Variants in ANKRD11 observed in about 807,000 individuals in gnomAD.
The protein encoded by ANKRD11 is ankyrin repeat domain-containing protein 11.
ANKRD11 carries 17 observed loss-of-function variants against 195.7 expected under a neutral mutation model. The observed-to-expected ratio is 0.09, with a 90% confidence interval of 0.06 to 0.13. The LOEUF is 0.13. Ranked by LOEUF, ANKRD11 falls within the 10% of genes least tolerant of loss-of-function variation. ANKRD11 has a pLI of 1.00. For missense variants in ANKRD11, 3,735 were observed against 3,566.1 expected (o/e 1.05, Z -1.21); for synonymous variants, 1,953 against 1,528.1 (o/e 1.28, Z -6.49).
intron 1 of ANKRD11, among the ~76,000 whole-genome samples, chr16:89,469,888 A>C (rs1235881671): frequency 7.1e-6 from 1 of 139,958 alleles, no homozygotes; most frequent in Admixed American, 7.2e-5. Context: ...GTTTCAGAAA[A>C]ACAAAGTCAG....
intron 3 of ANKRD11, among the ~76,000 whole-genome samples, chr16:89,315,436 G>T (rs2036892723): frequency 6.6e-6 from 1 of 152,032 alleles, no homozygotes; most frequent in Admixed American, 6.6e-5. Flanking sequence ...ACTGCTGAAG[G>T]CCGCACATCA....
intron 1 of ANKRD11, among the ~76,000 whole-genome samples, chr16:89,434,608 TCC>T (rs2043136248): frequency 1.3e-5 from 2 of 152,104 alleles, no homozygotes; most frequent in African/African-American, 4.8e-5. Context: ...GGCCCGACAA[TCC>T]ATGCCTATAA....
At chr16:89,416,106 A>C (rs777604463) in intron 2 of ANKRD11, among the ~76,000 whole-genome samples, 42 of 152,258 alleles carry the variant, frequency 2.8e-4, no homozygotes, top group Admixed American at 1.3e-3. Context: ...AAATGGCATT[A>C]AACACCTTAG....
At chr16:89,441,763 C>T (rs1166353334) in intron 1 of ANKRD11, among the ~76,000 whole-genome samples, 10 of 28,854 alleles carry the variant, frequency 3.5e-4, no homozygotes, top group South Asian at 1.4e-3. Flanking sequence ...CGAGACTCCG[C>T]CTACAAAAAA....
chr16:89,282,928 T>A lies in ANKRD11; in HGVS notation c.3614A>T (p.His1205Leu). 6.2e-7 allele frequency: 1 copy of A among 1,613,320 alleles called. No homozygotes were observed. The highest frequency in any genetic ancestry group is 8.5e-7 in the Non-Finnish European group (1 of 1,179,972). ...GGACTCTTTATCCTTCTTCTCCTTG[T>A]GCTTTTCAAAGACTTTCTCTTTTTT... ...RDKKEKVFEK[H>L]KEKKDKESTE... Residue 1205 changes from histidine to leucine, a missense_variant, in exon 9 of 13, where the codon CAC (histidine) becomes CTC (leucine). By Grantham distance (99) the His-to-Leu change is moderately conservative. Transcript: ENST00000301030.
rs1224246389 is a variant in ANKRD11 at position 89,280,360 on chromosome 16, C to T, written c.6182G>A (p.Gly2061Glu). 1 of 1,570,290 alleles carries T rather than the reference C, an allele frequency of 6.4e-7. No homozygotes were observed. The highest frequency in any genetic ancestry group is 1.4e-5 in the African/African-American group (1 of 73,816). ...SEAAPYAPPS[G>E]LESFFSNCKS... ...GCAGTTGCTGAAGAAGGACTCCAGC[C>T]CGGAGGGAGGGGCGTAGGGAGCCGC... The change falls in exon 9 of 13, where the codon GGG becomes GAG. Residue 2061 changes from glycine (G) to glutamate (E), a missense_variant. Transcript: ENST00000301030.
In ANKRD11 at chr16:89,291,304, A is replaced by G; in HGVS notation, c.227-121T>C. On this transcript the variant is annotated intron_variant, in intron 4 of 12. Transcript: ENST00000301030. The surrounding 1 kb of genome is among the most constrained non-coding windows in gnomAD (Gnocchi z 5.3). ...CCACCTGACAGCTGACAGAGCAGAA[A>G]GGAAGGTCTGTGTATGGGGAAAGCA... 2.3e-6 allele frequency: 3 copies of G among 1,286,002 alleles called. No homozygotes were observed. Among genetic ancestry groups the G allele is most frequent in the Admixed American group, 1.9e-5 (1 of 51,356 alleles). The allele number at this position is 1,286,002 out of a possible 1,614,324, so 79.7% of individuals were successfully genotyped here. A position where few individuals can be genotyped will look rare whatever the true frequency, so the allele number is the denominator to read the frequency against.
intron 1 of ANKRD11, among the ~76,000 whole-genome samples, chr16:89,489,831 A>C (rs1380783595): frequency 4.6e-5 from 2 of 43,532 alleles, no homozygotes; most frequent in African/African-American, 1.9e-4. Flanking sequence ...CCGGGCCCCC[A>C]CGGCCCCCAG....
intron 2 of ANKRD11, among the ~76,000 whole-genome samples, chr16:89,410,228 T>C (rs1046578137): frequency 6.6e-6 from 1 of 152,140 alleles, no homozygotes; most frequent in African/African-American, 2.4e-5. Flanking sequence ...ACCCGGTGGG[T>C]ACGGCCCTTT....
intron 2 of ANKRD11, among the ~76,000 whole-genome samples, chr16:89,363,982 C>T (rs2039841886): frequency 6.6e-6 from 1 of 152,122 alleles, no homozygotes; most frequent in South Asian, 2.1e-4. Context: ...ACAGCTTGAG[C>T]CCGGGAGTTG....
intron 2 of ANKRD11, among the ~76,000 whole-genome samples, chr16:89,362,603 T>C (rs59133625): frequency 1.1e-3 from 169 of 152,166 alleles, no homozygotes; most frequent in African/African-American, 3.9e-3. Flanking sequence ...TAAAAATAAA[T>C]AGTAACTTCT....
intron 2 of ANKRD11, chr16:89,360,748 T>C (rs943587130): frequency 6.6e-6 from 1 of 152,266 alleles, no homozygotes; most frequent in Non-Finnish European, 1.5e-5. Context: ...CATGTGGCTA[T>C]GGAGAGGAAG....
At chr16:89,395,854 G>A (rs4238829) in intron 2 of ANKRD11, 74,624 of 151,980 alleles carry the variant, frequency 0.49, 19,232 homozygotes, top group Middle Eastern at 0.69. Context: ...CTGGGGTGGT[G>A]CGGCAAGACT....
intron 4 of ANKRD11, chr16:89,300,643 G>C (rs1343289129): frequency 4.0e-6 from 2 of 505,362 alleles, no homozygotes; most frequent in Non-Finnish European, 7.0e-6. Flanking sequence ...TTCCCTCCAG[G>C]AATGGGGAAG....
At chr16:89,460,386 C>G (rs978137497) in intron 1 of ANKRD11, among the ~76,000 whole-genome samples, 1 of 151,886 alleles carries the variant, frequency 6.6e-6, no homozygotes, top group African/African-American at 2.4e-5. Context: ...GGCAAAACCC[C>G]GTCTCCACTA....
chr16:89,356,554 G>A (rs1303643615), intron 2 of ANKRD11, among the ~76,000 whole-genome samples: 7 of 150,948 alleles, frequency 4.6e-5, no homozygotes, highest in Non-Finnish European at 1.0e-4. Flanking sequence ...GGCGGATCAC[G>A]AGGTCAGGAG....
intron 1 of ANKRD11, among the ~76,000 whole-genome samples, chr16:89,457,957 G>A (rs1300353383): frequency 2.0e-5 from 3 of 152,092 alleles, no homozygotes; most frequent in African/African-American, 7.2e-5. Flanking sequence ...ACGGCACCTC[G>A]CAATGACTTG....
intron 7 of ANKRD11, 93 bp downstream of exon 7, chr16:89,288,435 A>G (rs764173998): frequency 1.3e-6 from 2 of 1,592,030 alleles, no homozygotes; most frequent in South Asian, 1.1e-5. Context: ...TGTGCCCCAC[A>G]TCATGGAACC....
intron 3 of ANKRD11, among the ~76,000 whole-genome samples, chr16:89,312,347 G>A (rs187066371): frequency 4.1e-4 from 62 of 152,354 alleles, no homozygotes; most frequent in Non-Finnish European, 4.7e-4. Flanking sequence ...CCAGTGGGAG[G>A]AGATGAGGAC....
Sources: allele counts gnomAD v4.1 joint callset (sites outside exome capture counted in the v4.1 genomes callset), GRCh38; gene constraint gnomAD v4.1.1; non-coding constraint Gnocchi (gnomAD v3.1); transcripts MANE v1.5; gene names NCBI Gene and HGNC (gene_info 2026-07-23, HGNC 2026-07-21).